RABL3: variants seen among roughly 807,000 people sequenced by gnomAD.
The protein encoded by RABL3 is RAB, member of RAS oncogene family like 3, also known as rab-like protein 3.
Under a neutral mutation model 31.8 loss-of-function variants are expected in RABL3, and 31 were observed. The observed-to-expected ratio is 0.97, with a 90% CI of 0.73 to 1.31. The LOEUF (loss-of-function observed/expected upper bound fraction) is 1.31. Among genes scored for constraint, RABL3 ranks in the 40% most tolerant of loss-of-function variants. The pLI is 0.00. For missense variants in RABL3, 263 were observed against 279.6 expected (o/e 0.94, Z 0.42); for synonymous variants, 97 against 99.9 (o/e 0.97, Z 0.18).
In RABL3 at chr3:120,686,425, C is replaced by G. The variant is rs1050885671; in HGVS notation, c.*3398G>C. 6.6e-6 allele frequency among the ~76,000 whole-genome samples: 1 copy of G among 152,166 alleles called. No individual in the cohort carries two copies. The highest frequency in any genetic ancestry group is 2.4e-5 in the African/African-American group (1 of 41,442). On this transcript the variant is annotated 3_prime_UTR_variant, in exon 8 of 8. Coordinates refer to ENST00000273375, the MANE Select transcript of RABL3 (RefSeq NM_173825.5). ...TCTGATTACAAGGAGCAATTAGGAG[C>G]TCTTCACCTCAGTCTGATGTCCCTG...
intron 4 of RABL3, among the ~76,000 whole-genome samples, chr3:120,701,808 G>C (rs1419545667): frequency 1.3e-5 from 2 of 152,102 alleles, no homozygotes; most frequent in African/African-American, 2.4e-5. Flanking sequence ...TAGAAAATGG[G>C]GTTCTGTTCT....
At chr3:120,708,060 T>C (rs767901125) in intron 3 of RABL3, among the ~76,000 whole-genome samples, 4 of 152,090 alleles carry the variant, frequency 2.6e-5, no homozygotes, top group Non-Finnish European at 4.4e-5. Flanking sequence ...GCTAAGAATA[T>C]GGACTGTGCA....
At chr3:120,741,887 C>T (rs1709047816) in intron 1 of RABL3, among the ~76,000 whole-genome samples, 1 of 152,164 alleles carries the variant, frequency 6.6e-6, no homozygotes, top group South Asian at 2.1e-4. Context: ...ATAATTATAA[C>T]TTAGCGTTTA....
intron 1 of RABL3, among the ~76,000 whole-genome samples, chr3:120,734,907 G>C (rs1708936493): frequency 6.6e-6 from 1 of 152,206 alleles, no homozygotes; most frequent in Admixed American, 6.5e-5. Flanking sequence ...CTTGATCATG[G>C]TAGATAAGCT....
At chr3:120,709,977 G>T in intron 2 of RABL3, 68 bp from the exon 3 acceptor site, 1 of 1,175,848 alleles carries the variant, frequency 8.5e-7, no homozygotes, top group Non-Finnish European at 1.2e-6. Context: ...CCTTATTCCG[G>T]TTTAAAGCAT....
Position 120,707,531 on chromosome 3 carries a change from T to C in RABL3, c.269-1417A>G, listed in dbSNP as rs542750720. ...AAGAGAAAACTAAAGTTCAGAGAAG[T>C]AGAGTAACTTGTCCTTGGGCACATG... On this transcript the variant is annotated intron_variant, in intron 3 of 7. Coordinates refer to ENST00000273375, the MANE Select transcript of RABL3 (RefSeq NM_173825.5). Among the ~76,000 whole-genome samples the C allele has an allele frequency of 1.2e-4, 18 of 152,208 alleles. No individual in the cohort carries two copies. The East Asian group carries it at 2.3e-3, about 20-fold the overall frequency.
chr3:120,723,366 G>A (rs533954842), intron 2 of RABL3, among the ~76,000 whole-genome samples: 2 of 152,192 alleles, frequency 1.3e-5, no homozygotes, highest in South Asian at 4.1e-4. Context: ...TTCCACCAGA[G>A]GTACAAGGAG....
chr3:120,694,263 G>A (rs1708411856), intron 5 of RABL3, 39 bp from the exon 6 acceptor site: 1 of 1,429,592 alleles, frequency 7.0e-7, no homozygotes, highest in Admixed American at 1.7e-5. Context: ...TGAAAGTTAG[G>A]AAACCCAAGC....
chr3:120,693,037 G>A (rs1043462525), intron 6 of RABL3, among the ~76,000 whole-genome samples: 2 of 152,156 alleles, frequency 1.3e-5, no homozygotes, highest in African/African-American at 2.4e-5. Flanking sequence ...CATGGCACAC[G>A]TAGAAAATGC....
At chr3:120,737,501 C>G (rs1708984295) in intron 1 of RABL3, among the ~76,000 whole-genome samples, 1 of 152,228 alleles carries the variant, frequency 6.6e-6, no homozygotes, top group Admixed American at 6.5e-5. Flanking sequence ...GTTTGATCAT[C>G]TGAAGACTTC....
chr3:120,718,350 A>G (rs1708694658), intron 2 of RABL3, among the ~76,000 whole-genome samples: 1 of 152,170 alleles, frequency 6.6e-6, no homozygotes, highest in East Asian at 1.9e-4. Context: ...CTACCCTTAT[A>G]TTAAAAATCT....
chr3:120,722,954 G>C (rs1394866479), intron 2 of RABL3, among the ~76,000 whole-genome samples: 1 of 152,086 alleles, frequency 6.6e-6, no homozygotes, highest in Non-Finnish European at 1.5e-5. Context: ...GATCAGAGCA[G>C]AACTGAAGGA....
intron 4 of RABL3, among the ~76,000 whole-genome samples, chr3:120,699,441 G>A (rs1708471689): frequency 6.6e-6 from 1 of 152,070 alleles, no homozygotes; most frequent in African/African-American, 2.4e-5. Flanking sequence ...GAACACAGAG[G>A]CCATTGCTGT....
chr3:120,704,259 A>C (rs1180043501), intron 4 of RABL3, among the ~76,000 whole-genome samples: 1 of 152,230 alleles, frequency 6.6e-6, no homozygotes, highest in African/African-American at 2.4e-5. Context: ...AATGTAATCC[A>C]CCAGTATTGA....
intron 1 of RABL3, among the ~76,000 whole-genome samples, chr3:120,741,751 ACT>A (rs1709046147): frequency 6.6e-6 from 1 of 152,122 alleles, no homozygotes; most frequent in Non-Finnish European, 1.5e-5. Flanking sequence ...TCAGAATAAA[ACT>A]CTTACTTTAA....
chr3:120,731,660 GT>G (rs2107595642), intron 1 of RABL3, among the ~76,000 whole-genome samples: 1 of 152,204 alleles, frequency 6.6e-6, no homozygotes, highest in Non-Finnish European at 1.5e-5. Flanking sequence ...CAAATCACTA[GT>G]TTTATCAAAA....
chr3:120,734,495 A>G (rs994839805), intron 1 of RABL3, among the ~76,000 whole-genome samples: 7 of 152,174 alleles, frequency 4.6e-5, no homozygotes, highest in Non-Finnish European at 8.8e-5. Flanking sequence ...GCAAACAGAG[A>G]CAATTTGACT....
At chr3:120,729,541 T>A (rs560097613) in intron 2 of RABL3, among the ~76,000 whole-genome samples, 9 of 152,076 alleles carry the variant, frequency 5.9e-5, no homozygotes, top group African/African-American at 1.9e-4. Flanking sequence ...AATAAGTATG[T>A]TGGAAATTAT....
intron 2 of RABL3, among the ~76,000 whole-genome samples, chr3:120,730,018 A>G (rs1559822483): frequency 1.3e-5 from 2 of 152,244 alleles, no homozygotes; most frequent in Admixed American, 6.5e-5. Context: ...AATTACATTA[A>G]AAAGAAATAA....
Sources: gnomAD v4.1 joint callset for allele counts (sites outside exome capture counted in the v4.1 genomes callset) on GRCh38, gnomAD v4.1.1 for gene constraint, MANE v1.5 for transcripts, NCBI Gene and HGNC (gene_info 2026-07-23, HGNC 2026-07-21) for gene names.